NAV2: variants seen among roughly 807,000 people sequenced by gnomAD.
The protein encoded by NAV2 is neuron navigator 2, also known as helicase, APC down-regulated 1.
Under a neutral mutation model 223.2 loss-of-function variants are expected in NAV2, and 54 were observed. That is an observed-to-expected ratio of 0.24 (90% CI 0.19 to 0.30). NAV2 has a LOEUF of 0.30. Ranked by LOEUF, NAV2 falls within the 10% of genes least tolerant of loss-of-function variation. NAV2 has a pLI of 1.00. For missense variants in NAV2, 2,806 were observed against 3,147.5 expected, an observed-to-expected ratio of 0.89 and a Z score of 2.60; for synonymous variants, 1,279 against 1,239.3, an observed-to-expected ratio of 1.03 and a Z score of -0.67.
intron 1 of NAV2, among the ~76,000 whole-genome samples, chr11:19,664,089 A>G (rs893027029): frequency 6.6e-6 from 1 of 152,220 alleles, no homozygotes; most frequent in African/African-American, 2.4e-5. Flanking sequence ...CAAAGGGTGA[A>G]CCCACAGCTA....
chr11:19,447,299 C>T (rs1423046575), intron 1 of NAV2, among the ~76,000 whole-genome samples: 1 of 152,200 alleles, frequency 6.6e-6, no homozygotes, highest in Non-Finnish European at 1.5e-5. Context: ...GTCCTATGAA[C>T]CCAAATAATC....
chr11:19,467,026 G>GACACACAC (rs1554941028), intron 1 of NAV2, among the ~76,000 whole-genome samples: 1 of 112,522 alleles, frequency 8.9e-6, no homozygotes, highest in African/African-American at 3.0e-5. Context: ...CACAGAGAGA[G>GACACACAC]AGAGAGAGAG....
At chr11:19,637,121 C>CATA (rs2047526565) in intron 1 of NAV2, among the ~76,000 whole-genome samples, 1 of 152,190 alleles carries the variant, frequency 6.6e-6, no homozygotes, top group Non-Finnish European at 1.5e-5. Flanking sequence ...ATGTGCAAAA[C>CATA]ATAAGCTTGC....
intron 1 of NAV2, among the ~76,000 whole-genome samples, chr11:19,831,974 T>C (rs1321267493): frequency 6.6e-6 from 1 of 152,228 alleles, no homozygotes; most frequent in Non-Finnish European, 1.5e-5. Flanking sequence ...GGGGCTCTGT[T>C]TTCATACTTG....
chr11:19,810,187 G>A (rs1238224222), intron 1 of NAV2, among the ~76,000 whole-genome samples: 2 of 152,074 alleles, frequency 1.3e-5, no homozygotes, highest in Non-Finnish European at 2.9e-5. Flanking sequence ...ACCTTATTTT[G>A]TTGCTCAAAT....
At chr11:19,929,575 C>G (rs1445542792) in intron 6 of NAV2, among the ~76,000 whole-genome samples, 2 of 152,112 alleles carry the variant, frequency 1.3e-5, no homozygotes, top group Non-Finnish European at 2.9e-5. Context: ...CCTTGAAATG[C>G]CCCCATGACT....
chr11:19,548,625 T>A (rs1252455138), intron 1 of NAV2, among the ~76,000 whole-genome samples: 1 of 151,714 alleles, frequency 6.6e-6, no homozygotes, highest in Non-Finnish European at 1.5e-5. Flanking sequence ...TCCCAGCACT[T>A]TGGGAGGCCG....
chr11:19,728,840 T>C (rs1429735073), intron 1 of NAV2, among the ~76,000 whole-genome samples: 2 of 152,194 alleles, frequency 1.3e-5, no homozygotes, highest in Admixed American at 1.3e-4. Context: ...CAGTGCTCTA[T>C]TATATTAGTG....
intron 1 of NAV2, among the ~76,000 whole-genome samples, chr11:19,524,042 C>T (rs917576879): frequency 2.0e-5 from 3 of 152,226 alleles, no homozygotes; most frequent in African/African-American, 4.8e-5. Flanking sequence ...TTCCCACAGC[C>T]TCTGACTTCT....
chr11:19,508,005 A>G (rs2043173293), intron 1 of NAV2, among the ~76,000 whole-genome samples: 1 of 152,232 alleles, frequency 6.6e-6, no homozygotes. Context: ...GTGAAGCCTA[A>G]GAGACATGCA....
intron 6 of NAV2, among the ~76,000 whole-genome samples, chr11:19,917,275 G>T (rs535645085): frequency 6.6e-6 from 1 of 152,250 alleles, no homozygotes; most frequent in Admixed American, 6.5e-5. Context: ...CCTCCTTGCT[G>T]GTTTCCAAGA....
rs1283458055 is a variant in NAV2, at chr11:19,705,936, C to CCCCT, written c.76-126547_76-126544dup. 5.9e-5 allele frequency among the ~76,000 whole-genome samples: 9 copies of CCCCT among 152,240 alleles called. No homozygotes were observed. The Middle Eastern group carries it at 0.01, about 173-fold the overall frequency. The stretch of plus-strand genomic sequence containing the variant: ...TATTATAGATGACAATATAGCTTGA[C>CCCCT]CCCTGGACTCTAGGCTGACCTTCAC... On this transcript the variant is annotated intron_variant, in intron 1 of 37. Transcript: ENST00000360655.
At chr11:19,908,180 G>A (rs977580369) in intron 6 of NAV2, among the ~76,000 whole-genome samples, 30 of 152,216 alleles carry the variant, frequency 2.0e-4, no homozygotes, top group African/African-American at 7.2e-4. Context: ...TCATCAAACG[G>A]CTAAGGTAGA....
chr11:20,101,540 A>T lies in NAV2; in HGVS notation c.6417+368A>T, dbSNP rs192034567. Reference sequence around the variant, plus strand: ...ACAATAATAAAAATAATAGAAGCCCACATTTATAGACTGTTTGCCCCATCA... The same window carrying T: ...ACAATAATAAAAATAATAGAAGCCCTCATTTATAGACTGTTTGCCCCATCA... On this transcript the variant is annotated intron_variant, in intron 32 of 37. Transcript: ENST00000349880. Among the ~76,000 whole-genome samples the T allele has an allele frequency of 3.9e-5, 6 of 152,362 alleles. No individual in the cohort carries two copies. In the East Asian group the frequency reaches 1.2e-3, roughly 29 times the overall value.
chr11:19,893,142 AT>A (rs5790098), intron 6 of NAV2, among the ~76,000 whole-genome samples: 92,062 of 146,806 alleles, frequency 0.63, 29,218 homozygotes, highest in Non-Finnish European at 0.69. Context: ...AAGGATATGG[AT>A]TTTTTTTTTT....
intron 1 of NAV2, among the ~76,000 whole-genome samples, chr11:19,768,046 C>T (rs2055370637): frequency 6.6e-6 from 1 of 152,264 alleles, no homozygotes; most frequent in Admixed American, 6.5e-5. Flanking sequence ...AAATCCTCAG[C>T]AATCCTGGGA....
intron 1 of NAV2, among the ~76,000 whole-genome samples, chr11:19,512,648 G>A (rs574190581): frequency 3.7e-4 from 57 of 152,306 alleles, no homozygotes; most frequent in African/African-American, 1.3e-3. Flanking sequence ...TGAATAACTC[G>A]GGACCAGGTG....
intron 5 of NAV2, among the ~76,000 whole-genome samples, chr11:19,886,146 T>A (rs1347190433): frequency 6.9e-6 from 1 of 145,096 alleles, no homozygotes; most frequent in African/African-American, 2.6e-5. Flanking sequence ...CCCAGCTAAT[T>A]TTTTTTTTTT....
intron 1 of NAV2, among the ~76,000 whole-genome samples, chr11:19,578,255 C>T (rs185223538): frequency 9.2e-5 from 14 of 152,336 alleles, no homozygotes; most frequent in Non-Finnish European, 1.6e-4. Flanking sequence ...TAACGCTGCG[C>T]GTGCTGCTGT....
Sources: allele counts gnomAD v4.1 joint callset (sites outside exome capture counted in the v4.1 genomes callset), GRCh38; gene constraint gnomAD v4.1.1; transcripts MANE v1.5; gene names NCBI Gene and HGNC (gene_info 2026-07-23, HGNC 2026-07-21).